KCNH8: variants seen among roughly 807,000 people sequenced by gnomAD.
KCNH8 encodes potassium voltage-gated channel subfamily H member 8.
In KCNH8, 70 loss-of-function variants were observed where a neutral mutation model predicts 103.6. The observed-to-expected ratio is 0.68, with a 90% CI of 0.56 to 0.82. The LOEUF (loss-of-function observed/expected upper bound fraction) is 0.82. Ranked by LOEUF, KCNH8 falls within the 40% of genes least tolerant of loss-of-function variation. The pLI, the probability that KCNH8 is intolerant of heterozygous loss-of-function variation, is 0.00. For synonymous variants in KCNH8, 498 were observed against 489.4 expected (o/e 1.02, Z -0.23); for missense variants, 1,217 against 1,329.9 (o/e 0.92, Z 1.32).
At chr3:19,472,012 GTTT>G (rs761508357) in intron 11 of KCNH8, among the ~76,000 whole-genome samples, 2 of 152,172 alleles carry the variant, frequency 1.3e-5, no homozygotes, top group Non-Finnish European at 2.9e-5. Context: ...CAATTAGAAA[GTTT>G]TTTAAAAATG....
In KCNH8 at chr3:19,225,845, T is replaced by C. The variant is rs1411011893; in HGVS notation, c.77-27809T>C. Reference sequence around the variant, plus strand: ...TTCACAAAAATTAAATGTATTCATTTAGAATACTTGTGAGTGATATTTTCC... The same window carrying C: ...TTCACAAAAATTAAATGTATTCATTCAGAATACTTGTGAGTGATATTTTCC... On this transcript the variant is annotated intron_variant, in intron 1 of 15. Coordinates refer to ENST00000328405, the MANE Select transcript of KCNH8 (RefSeq NM_144633.3). Among the ~76,000 whole-genome samples, 8 of 152,218 alleles carry C rather than the reference T, an allele frequency of 5.3e-5. No individual in the cohort carries two copies. In the East Asian group the frequency reaches 1.5e-3, roughly 29 times the overall value.
chr3:19,380,501 T>A (rs970402660), intron 5 of KCNH8, among the ~76,000 whole-genome samples: 2 of 152,206 alleles, frequency 1.3e-5, no homozygotes, highest in Admixed American at 6.5e-5. Flanking sequence ...GGATTTTGAA[T>A]TCTGTTTGTC....
chr3:19,466,302 G>C (rs2067735069), intron 11 of KCNH8, among the ~76,000 whole-genome samples: 1 of 152,134 alleles, frequency 6.6e-6, no homozygotes, highest in African/African-American at 2.4e-5. Context: ...TGTGAACATT[G>C]TTGAAATGAC....
intron 1 of KCNH8, among the ~76,000 whole-genome samples, chr3:19,233,937 A>C (rs1575455917): frequency 6.6e-6 from 1 of 152,106 alleles, no homozygotes. Flanking sequence ...GTGAGTGTTA[A>C]AGCTCATAAA....
Position 19,534,249 on chromosome 3 carries a change from C to G in KCNH8, c.*150C>G. 1.6e-6 allele frequency: 1 copy of G among 620,674 alleles called. No individual in the cohort carries two copies. Among genetic ancestry groups the G allele is most frequent in the Non-Finnish European group, 2.8e-6 (1 of 353,596 alleles). The allele number at this position is 620,674 out of a possible 1,614,324, so 38.4% of individuals were successfully genotyped here. On this transcript the variant is annotated 3_prime_UTR_variant, in exon 16 of 16. Transcript: ENST00000328405. ...GAGGAGCCAGGGAAAGGCAGAACCA[C>G]CTCCATGCTGTAGCAAACAATTTCT...
intron 1 of KCNH8, among the ~76,000 whole-genome samples, chr3:19,155,873 A>G (rs891456711): frequency 5.9e-5 from 9 of 152,168 alleles, no homozygotes; most frequent in East Asian, 5.8e-4. Flanking sequence ...ACACTCGACC[A>G]TGAACTCCTT....
chr3:19,456,706 T>A, intron 10 of KCNH8, 62 bp from the exon 11 acceptor site: 1 of 1,060,878 alleles, frequency 9.4e-7, no homozygotes, highest in Non-Finnish European at 1.4e-6. Context: ...GTAAGTCAAA[T>A]GAGGTTATCA....
At chr3:19,400,231 CAAAAAAAAAAAAAA>C (rs11422314) in intron 7 of KCNH8, among the ~76,000 whole-genome samples, 4 of 53,118 alleles carry the variant, frequency 7.5e-5, no homozygotes, top group Admixed American at 3.0e-4. Context: ...TGTTAGCCAG[CAAAAAAAAAAAAAA>C]AAAAAAAAAA....
chr3:19,506,930 G>A (rs1467978634), intron 11 of KCNH8, among the ~76,000 whole-genome samples: 1 of 152,134 alleles, frequency 6.6e-6, no homozygotes, highest in Admixed American at 6.5e-5. Flanking sequence ...TAGAAGTGTG[G>A]TTAAAGCACT....
At chr3:19,299,246 A>C (rs2065033882) in intron 3 of KCNH8, among the ~76,000 whole-genome samples, 1 of 149,992 alleles carries the variant, frequency 6.7e-6, no homozygotes, top group Non-Finnish European at 1.5e-5. Flanking sequence ...TTAAGTTTGG[A>C]ATTCATAATG....
chr3:19,406,872 C>T (rs1037261226), intron 7 of KCNH8, among the ~76,000 whole-genome samples: 2 of 152,134 alleles, frequency 1.3e-5, no homozygotes, highest in African/African-American at 4.8e-5. Flanking sequence ...GATTTCTTCT[C>T]TGTAAAATGA....
intron 8 of KCNH8, among the ~76,000 whole-genome samples, chr3:19,448,013 G>T (rs2067387688): frequency 6.6e-6 from 1 of 151,850 alleles, no homozygotes; most frequent in African/African-American, 2.4e-5. Flanking sequence ...TATTTAAGAG[G>T]TTGCAGGAAA....
chr3:19,276,138 C>A (rs1451131134), intron 2 of KCNH8, among the ~76,000 whole-genome samples: 1 of 151,500 alleles, frequency 6.6e-6, no homozygotes, highest in Non-Finnish European at 1.5e-5. Flanking sequence ...TGTTTACTCA[C>A]CTGCAGCTCT....
chr3:19,440,822 C>T (rs974533414), intron 8 of KCNH8, among the ~76,000 whole-genome samples: 3 of 152,012 alleles, frequency 2.0e-5, no homozygotes, highest in Non-Finnish European at 4.4e-5. Context: ...GACATAATAC[C>T]ATAATTTTTA....
chr3:19,230,726 TA>T (rs142216350), intron 1 of KCNH8, among the ~76,000 whole-genome samples: 3,571 of 152,282 alleles, frequency 0.023, 131 homozygotes, highest in African/African-American at 0.08. Flanking sequence ...GGTTTGCACT[TA>T]AAAAACTTAC....
At chr3:19,201,264 A>AAG (rs2063659205) in intron 1 of KCNH8, among the ~76,000 whole-genome samples, 1 of 144,466 alleles carries the variant, frequency 6.9e-6, no homozygotes, top group Non-Finnish European at 1.5e-5. Flanking sequence ...AAAAAAAAAG[A>AAG]AAAGAAAATT....
intron 3 of KCNH8, among the ~76,000 whole-genome samples, chr3:19,338,819 T>A (rs2065619671): frequency 6.6e-6 from 1 of 152,140 alleles, no homozygotes; most frequent in East Asian, 1.9e-4. Context: ...TTTCTGTTAA[T>A]AGGAAGACAC....
At chr3:19,490,182 C>T (rs936708904) in intron 11 of KCNH8, among the ~76,000 whole-genome samples, 1 of 152,256 alleles carries the variant, frequency 6.6e-6, no homozygotes. Context: ...AAGGGGCTGA[C>T]TCAACTGTCC....
chr3:19,246,707 C>A (rs1398591317), intron 1 of KCNH8, among the ~76,000 whole-genome samples: 1 of 152,128 alleles, frequency 6.6e-6, no homozygotes, highest in African/African-American at 2.4e-5. Context: ...TTTACTGTCA[C>A]TAGGTTCTTG....
Sources: allele counts gnomAD v4.1 joint callset (sites outside exome capture counted in the v4.1 genomes callset), GRCh38; gene constraint gnomAD v4.1.1; transcripts MANE v1.5; gene names NCBI Gene and HGNC (gene_info 2026-07-23, HGNC 2026-07-21).